Variants in RBM20 observed in about 807,000 individuals in gnomAD.
RBM20 encodes RNA-binding protein 20.
In RBM20, 51 loss-of-function variants were observed where a neutral mutation model predicts 110.1. That is an observed-to-expected ratio of 0.46 (90% CI 0.37 to 0.59). The LOEUF (loss-of-function observed/expected upper bound fraction) is 0.59, where lower values mean the gene tolerates loss of function less well. Ranked by LOEUF, RBM20 falls within the 20% of genes least tolerant of loss-of-function variation. RBM20 has a pLI of 0.00. For synonymous variants in RBM20, 589 were observed against 618.2 expected (o/e 0.95, Z 0.70); for missense variants, 1,512 against 1,574.9 (o/e 0.96, Z 0.68).
In RBM20 at chr10:110,821,297, G is replaced by C; in HGVS notation, c.2678G>C (p.Ser893Thr). 1 of 1,551,438 alleles carries C rather than the reference G, an allele frequency of 6.4e-7. No homozygotes were observed. Among genetic ancestry groups the C allele is most frequent in the Non-Finnish European group, 8.7e-7 (1 of 1,146,728 alleles). Residue 893 changes from serine (S) to threonine (T), a missense_variant, in exon 11 of 14, where the codon AGT (serine) becomes ACT (threonine). Physicochemically the swap from Ser to Thr is moderately conservative, Grantham distance 58. This residue lies in a region of RBM20 where 1,149 missense variants were observed against 1,169.4 expected (regional missense o/e 0.98). Transcript: ENST00000369519. ...TKKEQDWESE[S>T]EAEGESWYPT... is the part of the protein sequence containing the mutation. ...CAGGAACAAGATTGGGAGAGTGAAA[G>C]TGAGGCAGAGGGGGAGAGCTGGTAT... is the stretch of plus-strand genomic sequence containing the variant.
chr10:110,727,861 C>T (rs1590639879), intron 1 of RBM20, among the ~76,000 whole-genome samples: 1 of 152,236 alleles, frequency 6.6e-6, no homozygotes, highest in East Asian at 1.9e-4. Context: ...TTCATGTGTT[C>T]TCATTGTTTA....
chr10:110,720,353 A>G (rs966814536), intron 1 of RBM20, among the ~76,000 whole-genome samples: 2 of 152,156 alleles, frequency 1.3e-5, no homozygotes, highest in African/African-American at 4.8e-5. Context: ...GCTTCCTGGG[A>G]GTGCTCAGGC....
chr10:110,690,405 C>CAA (rs11447889), intron 1 of RBM20, among the ~76,000 whole-genome samples: 4,922 of 148,740 alleles, frequency 0.033, 223 homozygotes, highest in African/African-American at 0.11. Context: ...GACCCTGTCT[C>CAA]AAAAAAAAAC....
At position 110,760,425 on chromosome 10, in the gene RBM20, C is replaced by CTTT. The variant is rs541027608; in HGVS notation, c.192-20350_192-20348dup. On this transcript the variant is annotated intron_variant, in intron 1 of 13. Coordinates refer to ENST00000369519, the MANE Select transcript of RBM20 (RefSeq NM_001134363.3). ...TATTAGCCCAGCTGAATTCCATCAT[C>CTTT]TTTTTTTTTTTTTTTTTTTTTTTTT... Among the ~76,000 whole-genome samples the CTTT allele has an allele frequency of 1.1e-3, 63 of 57,876 alleles. 8 individuals are homozygous for CTTT. Among genetic ancestry groups the CTTT allele is most frequent in the African/African-American group, 3.1e-3 (49 of 15,590 alleles). The allele number at this position is 57,876 out of a possible 152,430, so 38.0% of individuals were successfully genotyped here. A position where few individuals can be genotyped will look rare whatever the true frequency, so the allele number is the denominator to read the frequency against.
intron 1 of RBM20, among the ~76,000 whole-genome samples, chr10:110,707,399 A>G (rs1862857772): frequency 6.6e-6 from 1 of 152,238 alleles, no homozygotes; most frequent in Non-Finnish European, 1.5e-5. Flanking sequence ...AAAAGCATAT[A>G]AGTTAATCAA....
chr10:110,833,390 G>GAA lies in RBM20; in HGVS notation c.3573+2223_3573+2224dup, dbSNP rs56842641. On this transcript the variant is annotated intron_variant, in intron 13 of 13. Coordinates refer to ENST00000369519, the MANE Select transcript of RBM20 (RefSeq NM_001134363.3). ...GGTGACGGAGCGAAACTCTGTCTCA[G>GAA]AAAAAAAAAAAAAAAAGAAATGCAG... Among the ~76,000 whole-genome samples, 37 of 62,220 alleles carry GAA rather than the reference G, an allele frequency of 5.9e-4. 2 individuals carry two copies. Among genetic ancestry groups the GAA allele is most frequent in the Non-Finnish European group, 8.0e-4 (28 of 34,894 alleles). 40.8% of individuals were successfully genotyped at this position (62,220 alleles called of 152,430 possible).
intron 1 of RBM20, among the ~76,000 whole-genome samples, chr10:110,649,361 C>T (rs1193398246): frequency 6.6e-6 from 1 of 152,134 alleles, no homozygotes; most frequent in African/African-American, 2.4e-5. Context: ...TAGCTCAATT[C>T]ACAGGTTTGA....
At chr10:110,735,351 T>G (rs1319428036) in intron 1 of RBM20, among the ~76,000 whole-genome samples, 1 of 152,232 alleles carries the variant, frequency 6.6e-6, no homozygotes. Context: ...ATGTATTTTT[T>G]TTATGTGGAA....
chr10:110,669,697 C>T (rs1180908963), intron 1 of RBM20, among the ~76,000 whole-genome samples: 2 of 152,216 alleles, frequency 1.3e-5, no homozygotes, highest in African/African-American at 4.8e-5. Flanking sequence ...GTTGGGATTA[C>T]AGGCATGAGC....
rs1316833587 is a variant in RBM20 at position 110,821,888 on chromosome 10, T to C, written c.3269T>C (p.Ile1090Thr). 1.3e-6 allele frequency: 2 copies of C among 1,551,556 alleles called. No individual in the cohort carries two copies. The highest frequency in any genetic ancestry group is 1.7e-6 in the Non-Finnish European group (2 of 1,146,978). ...CTGGAGGAGAAAGCCAGCCCCCCCA[T>C]CGAAACTGACCTCCAAAACCAAGCT... ...SPLEEKASPPIETDLQNQACQ... is the reference protein window; with the variant it reads ...SPLEEKASPPTETDLQNQACQ... Residue 1090 changes from isoleucine (I) to threonine (T), a missense_variant, in exon 11 of 14, where the codon ATC (isoleucine) becomes ACC (threonine). This residue lies in a region of RBM20 where 358 missense variants were observed against 384.2 expected (regional missense o/e 0.93). Coordinates refer to ENST00000369519, the MANE Select transcript of RBM20 (RefSeq NM_001134363.3).
In RBM20 at chr10:110,837,426, A is replaced by G. The variant is rs1389640509; in HGVS notation, c.*1448A>G. 2 of 151,952 alleles carry G rather than the reference A, an allele frequency of 1.3e-5. No homozygotes were observed. Among genetic ancestry groups the G allele is most frequent in the African/African-American group, 4.8e-5 (2 of 41,334 alleles). The allele number at this position is 151,952 out of a possible 1,614,324, so 9.4% of individuals were successfully genotyped here. On this transcript the variant is annotated 3_prime_UTR_variant, in exon 14 of 14. Transcript: ENST00000369519. ...TGGAGCTGTTTTCATGAGCAGAGAT[A>G]CTCTCCTGAAAGCACCCTTCATAGC... is the stretch of plus-strand genomic sequence containing the variant.
intron 1 of RBM20, among the ~76,000 whole-genome samples, chr10:110,699,080 G>C (rs554748149): frequency 2.2e-4 from 34 of 152,236 alleles, no homozygotes; most frequent in Middle Eastern, 3.4e-3. Flanking sequence ...GTCATGCACA[G>C]GCAATGCAAG....
At chr10:110,727,419 A>AAAAAATAAAAAAAAAAATAAAATAAAT (rs377734576) in intron 1 of RBM20, among the ~76,000 whole-genome samples, 7 of 146,726 alleles carry the variant, frequency 4.8e-5, no homozygotes, top group African/African-American at 1.3e-4. Flanking sequence ...AAATAAAAAA[A>AAAAAATAAAAAAAAAAATAAAATAAAT]AAATAAATAA....
chr10:110,792,895 A>G (rs552747064), intron 5 of RBM20, among the ~76,000 whole-genome samples: 10 of 152,334 alleles, frequency 6.6e-5, no homozygotes, highest in Admixed American at 5.9e-4. Context: ...AGCCAATTAC[A>G]CAGAGAGAGA....
intron 1 of RBM20, chr10:110,761,097 C>CAAAAAAAAAA (rs201013581): frequency 2.6e-5 from 2 of 76,668 alleles, no homozygotes; most frequent in Non-Finnish European, 2.4e-5. Flanking sequence ...GACTCCATCT[C>CAAAAAAAAAA]AAAAAAAAAA....
In RBM20 at chr10:110,822,699, G is replaced by A. The variant is rs142192083; in HGVS notation, c.3316+764G>A. ...CCAGAGGTTGAAGTGAGAGTCAGGGGCAGAAAATACAGAGGAAAGGCTTAA... is the reference window on the plus strand; with the variant it reads ...CCAGAGGTTGAAGTGAGAGTCAGGGACAGAAAATACAGAGGAAAGGCTTAA... On this transcript the variant is annotated intron_variant, in intron 11 of 13. Transcript: ENST00000369519. 4.6e-5 allele frequency among the ~76,000 whole-genome samples: 7 copies of A among 152,268 alleles called. No individual in the cohort carries two copies. In the East Asian group the frequency reaches 1.3e-3, roughly 29 times the overall value.
chr10:110,803,388 C>T (rs1046297658), intron 7 of RBM20, among the ~76,000 whole-genome samples: 9 of 152,288 alleles, frequency 5.9e-5, no homozygotes, highest in Admixed American at 5.2e-4. Flanking sequence ...AGTCACCCAG[C>T]CAAGAAGCCG....
At chr10:110,658,477 G>A (rs892534359) in intron 1 of RBM20, among the ~76,000 whole-genome samples, 4 of 152,132 alleles carry the variant, frequency 2.6e-5, no homozygotes, top group South Asian at 2.1e-4. Context: ...GCCAATGATC[G>A]GAGATCCCGG....
rs2135148752 is a variant in RBM20, at chr10:110,836,218, T to C, written c.*240T>C. On this transcript the variant is annotated 3_prime_UTR_variant, in exon 14 of 14. Transcript: ENST00000369519. ...TCACCAACTCTCTCCCTGCTGACTCTTGTTTCTCTCAATCTTTCAATTCGT... is the reference window on the plus strand; with the variant it reads ...TCACCAACTCTCTCCCTGCTGACTCCTGTTTCTCTCAATCTTTCAATTCGT... 3.0e-6 allele frequency: 1 copy of C among 335,304 alleles called. No homozygotes were observed. The highest frequency in any genetic ancestry group is 5.4e-6 in the Non-Finnish European group (1 of 185,986). 20.8% of individuals were successfully genotyped at this position (335,304 alleles called of 1,614,324 possible). A position where few individuals can be genotyped will look rare whatever the true frequency, so the allele number is the denominator to read the frequency against.
Sources: gnomAD v4.1 joint callset for allele counts (sites outside exome capture counted in the v4.1 genomes callset) on GRCh38, gnomAD v4.1.1 for gene constraint, gnomAD v4.1.1 regional missense constraint, MANE v1.5 for transcripts, NCBI Gene and HGNC (gene_info 2026-07-23, HGNC 2026-07-21) for gene names.